The following UGGT1 variants were observed in gnomAD, a reference collection of about 807,000 sequenced individuals.
UGGT1 encodes the protein UDP-glucose:glycoprotein glucosyltransferase 1.
Under a neutral mutation model 203.9 loss-of-function variants are expected in UGGT1, and 107 were observed. The ratio of observed to expected loss-of-function variants is 0.52; its 90% CI spans 0.45 to 0.62. The LOEUF (loss-of-function observed/expected upper bound fraction) is 0.62. Ranked by LOEUF, UGGT1 falls within the 20% of genes least tolerant of loss-of-function variation. The pLI is 0.00. For missense variants in UGGT1, 1,673 were observed against 1,867.2 expected, an observed-to-expected ratio of 0.90 and a Z score of 1.92; for synonymous variants, 628 against 653.5, an observed-to-expected ratio of 0.96 and a Z score of 0.59.
chr2:128,105,754 A>G lies in UGGT1; in HGVS notation c.277+1740A>G, dbSNP rs145263105. On this transcript the variant is annotated intron_variant, in intron 3 of 40. Coordinates refer to ENST00000259253, the MANE Select transcript of UGGT1 (RefSeq NM_020120.4). ...GGTCTCAAACTCCTGACCTCAGGCAATCCACCCACCTCAGCCTCCCAAAGT... is the reference window on the plus strand; with the variant it reads ...GGTCTCAAACTCCTGACCTCAGGCAGTCCACCCACCTCAGCCTCCCAAAGT... Among the ~76,000 whole-genome samples, 804 of 152,082 alleles carry G rather than the reference A, an allele frequency of 5.3e-3. 3 individuals are homozygous for G. Among genetic ancestry groups the G allele is most frequent in the Non-Finnish European group, 8.3e-3 (562 of 68,000 alleles).
At chr2:128,138,666 C>T in intron 15 of UGGT1, 51 bp from the exon 16 acceptor site, 2 of 1,588,722 alleles carry the variant, frequency 1.3e-6, no homozygotes, top group Non-Finnish European at 1.7e-6. Flanking sequence ...TTCTTTTTAA[C>T]CATTTGCATT....
intron 33 of UGGT1, among the ~76,000 whole-genome samples, chr2:128,178,252 TA>T (rs1691498703): frequency 6.6e-6 from 1 of 152,232 alleles, no homozygotes; most frequent in African/African-American, 2.4e-5. Flanking sequence ...AGTCTCTTCC[TA>T]AAACAACACT....
At chr2:128,186,652 ATTTTAT>A (rs762676674) in intron 38 of UGGT1, 25 bp from the exon 39 acceptor site, 84 of 1,532,336 alleles carry the variant, frequency 5.5e-5, no homozygotes, top group Non-Finnish European at 7.0e-5. Flanking sequence ...AGATACATGT[ATTTTAT>A]TTTTATTTTT....
At chr2:128,188,723 T>C (rs928948836) in intron 40 of UGGT1, among the ~76,000 whole-genome samples, 5 of 152,116 alleles carry the variant, frequency 3.3e-5, no homozygotes, top group Non-Finnish European at 7.4e-5. Context: ...AGTCGGAGGA[T>C]TGCTTGAGCC....
chr2:128,113,104 A>G lies in UGGT1; in HGVS notation c.542A>G (p.Lys181Arg). 2 of 1,594,722 alleles carry G rather than the reference A, an allele frequency of 1.3e-6. No homozygotes were observed. The highest frequency in any genetic ancestry group is 1.3e-5 in the African/African-American group (1 of 74,410). Residue 181 changes from lysine (K) to arginine (R), a missense_variant, in exon 6 of 41, where the codon AAA becomes AGA. By Grantham distance (26) the Lys-to-Arg change is conservative. Around this residue, in one of 4 missense-constraint regions of UGGT1, gnomAD observed 1,073 missense variants for 1,078.7 expected, o/e 0.99. Transcript: ENST00000259253. ...ASERPKPLLFKGDHRYPSSNP... is the reference protein window; with the variant it reads ...ASERPKPLLFRGDHRYPSSNP... ...TTCAGACCCAAACCTTTATTGTTCA[A>G]AGGAGATCACAGATATCCCTCGTCT...
In UGGT1 at chr2:128,134,861, C is replaced by A; in HGVS notation, c.1498-15C>A. The stretch of plus-strand genomic sequence containing the variant: ...TAAATGTCATTTCATGTGTTCTTTT[C>A]CCTTTCTTCAACAGGTTTTCATAGT... On this transcript the variant is annotated splice_polypyrimidine_tract_variant and intron_variant, in intron 14 of 40. Coordinates refer to ENST00000259253, the MANE Select transcript of UGGT1 (RefSeq NM_020120.4). 1 of 1,609,394 alleles carries A rather than the reference C, an allele frequency of 6.2e-7. No homozygotes were observed. The highest frequency in any genetic ancestry group is 1.7e-5 in the Admixed American group (1 of 60,010).
At chr2:128,116,934 A>G (rs1050587198) in intron 8 of UGGT1, among the ~76,000 whole-genome samples, 13 of 152,216 alleles carry the variant, frequency 8.5e-5, no homozygotes, top group Admixed American at 2.0e-4. Flanking sequence ...TTTGATTGCC[A>G]TAAGAGGAGA....
chr2:128,138,929 G>A (rs765196594), intron 16 of UGGT1, 77 bp downstream of exon 16: 230 of 1,561,428 alleles, frequency 1.5e-4, no homozygotes, highest in Admixed American at 2.8e-4. Context: ...GTCATTGTAT[G>A]CTAGGCAGCT....
chr2:128,134,779 A>G (rs1689052700), intron 14 of UGGT1, 97 bp from the exon 15 acceptor site: 1 of 987,094 alleles, frequency 1.0e-6, no homozygotes, highest in Admixed American at 2.0e-5. Context: ...AGCTCGAAAA[A>G]GGTTGGCTTC....
intron 5 of UGGT1, among the ~76,000 whole-genome samples, chr2:128,112,152 G>C (rs1687887216): frequency 6.6e-6 from 1 of 150,878 alleles, no homozygotes; most frequent in Admixed American, 6.6e-5. Flanking sequence ...CAGGCCTGGT[G>C]GCTTTTGCCT....
Position 128,115,138 on chromosome 2 carries a change from G to T in UGGT1, c.711G>T (p.Glu237Asp). 4 of 1,613,994 alleles carry T rather than the reference G, an allele frequency of 2.5e-6. No homozygotes were observed. The highest frequency in any genetic ancestry group is 3.4e-6 in the Non-Finnish European group (4 of 1,179,940). The change falls in exon 7 of 41, where the codon GAG becomes GAT. Residue 237 changes from glutamate to aspartate, a missense_variant. By Grantham distance (45) the Glu-to-Asp change is conservative (BLOSUM62 2). Transcript: ENST00000259253. ...FRHYIFNPRK[E>D]PVYLSGYGVE... is the part of the protein sequence containing the mutation. The stretch of plus-strand genomic sequence containing the variant: ...TTTACTTGCAGAATCCCAGGAAGGA[G>T]CCTGTTTACCTCTCTGGCTATGGCG...
At position 128,191,064 on chromosome 2, in the gene UGGT1, C is replaced by G. The variant is rs769754838; in HGVS notation, c.*1322C>G. ...GGCATGAGGCCCCAGCATCCGACTC[C>G]ATCTGCCAGGCTGCAGGGCACAGCA... On this transcript the variant is annotated 3_prime_UTR_variant, in exon 41 of 41. Coordinates refer to ENST00000259253, the MANE Select transcript of UGGT1 (RefSeq NM_020120.4). The G allele has an allele frequency of 6.6e-6, 1 of 152,304 alleles. No individual in the cohort carries two copies. Among genetic ancestry groups the G allele is most frequent in the Non-Finnish European group, 1.5e-5 (1 of 68,090 alleles). 9.4% of individuals were successfully genotyped at this position (152,304 alleles called of 1,614,324 possible). A position where few individuals can be genotyped will look rare whatever the true frequency, so the allele number is the denominator to read the frequency against.
intron 16 of UGGT1, among the ~76,000 whole-genome samples, 188 bp from the exon 17 acceptor site, chr2:128,142,906 G>A (rs939138351): frequency 2.0e-5 from 3 of 151,724 alleles, no homozygotes; most frequent in African/African-American, 4.8e-5. Context: ...ACACGAATCC[G>A]GAAGGCGGAG....
Position 128,193,490 on chromosome 2 carries a change from A to C in UGGT1, c.*3748A>C, listed in dbSNP as rs1213764937. On this transcript the variant is annotated 3_prime_UTR_variant, in exon 41 of 41. Transcript: ENST00000259253. ...AGGCTGATCTCAAACTCCTGACCTC[A>C]GGTGGTGATCTGCCCACCTCGGCCT... 1.3e-5 allele frequency: 2 copies of C among 152,252 alleles called. No individual in the cohort carries two copies. The highest frequency in any genetic ancestry group is 2.9e-5 in the Non-Finnish European group (2 of 68,276). 9.4% of individuals were successfully genotyped at this position (152,252 alleles called of 1,614,324 possible).
At chr2:128,133,890 C>A (rs1051292345) in intron 14 of UGGT1, among the ~76,000 whole-genome samples, 1 of 151,898 alleles carries the variant, frequency 6.6e-6, no homozygotes, top group African/African-American at 2.4e-5. Flanking sequence ...AGAGAGGGTT[C>A]TTCATTGGCC....
chr2:128,112,995 A>G lies in UGGT1; in HGVS notation c.522-89A>G, dbSNP rs112211218. 2.9e-4 allele frequency: 351 copies of G among 1,222,698 alleles called. No individual in the cohort carries two copies. The African/African-American group carries it at 3.5e-3, about 12-fold the overall frequency. 75.7% of individuals were successfully genotyped at this position (1,222,698 alleles called of 1,614,324 possible). ...TTAAGATGCTTATAATCTTTATTTG[A>G]ATTTTCATAACTGTACTTTATATTT... On this transcript the variant is annotated intron_variant, in intron 5 of 40. Transcript: ENST00000259253.
chr2:128,153,580 A>G (rs552033571), intron 19 of UGGT1, among the ~76,000 whole-genome samples: 4 of 152,266 alleles, frequency 2.6e-5, no homozygotes, highest in African/African-American at 9.6e-5. Context: ...GGATTTGCCT[A>G]TTCTAGACAT....
intron 40 of UGGT1, among the ~76,000 whole-genome samples, chr2:128,188,810 T>A (rs1692120357): frequency 6.6e-6 from 1 of 152,244 alleles, no homozygotes; most frequent in Admixed American, 6.5e-5. Context: ...AGCAAGACCC[T>A]GTCTCAAAAT....
In UGGT1 at chr2:128,194,094, G is replaced by T. The variant is rs954736562; in HGVS notation, c.*4352G>T. ...AATATATGTATTCCATTGTTGCGTG[G>T]TTTTTTTCCCCCCTCAAGACAGAGA... On this transcript the variant is annotated 3_prime_UTR_variant, in exon 41 of 41. Coordinates refer to ENST00000259253, the MANE Select transcript of UGGT1 (RefSeq NM_020120.4). 3.9e-5 allele frequency: 6 copies of T among 151,934 alleles called. No homozygotes were observed. The highest frequency in any genetic ancestry group is 2.0e-4 in the Admixed American group (3 of 15,222). The allele number at this position is 151,934 out of a possible 1,614,324, so 9.4% of individuals were successfully genotyped here. A position where few individuals can be genotyped will look rare whatever the true frequency, so the allele number is the denominator to read the frequency against.
Sources: gnomAD v4.1 joint callset for allele counts (sites outside exome capture counted in the v4.1 genomes callset) on GRCh38, gnomAD v4.1.1 for gene constraint, gnomAD v4.1.1 regional missense constraint, MANE v1.5 for transcripts, NCBI Gene and HGNC (gene_info 2026-07-23, HGNC 2026-07-21) for gene names.